Variants in C5orf24 observed in about 807,000 individuals in gnomAD.
C5orf24 encodes UPF0461 protein C5orf24.
A neutral mutation model predicts 9.8 loss-of-function variants in C5orf24; 4 were observed. That is an observed-to-expected ratio of 0.41 (90% CI 0.20 to 0.93). C5orf24 has a LOEUF of 0.93. Among genes scored for constraint, C5orf24 ranks in the 40% least tolerant of loss-of-function variants. The pLI is 0.33. For missense variants in C5orf24, 170 were observed against 236.9 expected (o/e 0.72, Z 1.85); for synonymous variants, 73 against 81.3 (o/e 0.90, Z 0.55).
chr5:134,853,455 T>TTA (rs1756218195), intron 1 of C5orf24, among the ~76,000 whole-genome samples: 1 of 150,936 alleles, frequency 6.6e-6, no homozygotes, highest in African/African-American at 2.4e-5. Context: ...AATAAGTCCT[T>TTA]TATATAAAAA....
At chr5:134,853,528 C>CTTTTTTTTTT (rs773207000) in intron 1 of C5orf24, among the ~76,000 whole-genome samples, 77 of 104,226 alleles carry the variant, frequency 7.4e-4, no homozygotes, top group Non-Finnish European at 7.9e-4. Context: ...TCTTCTTCTT[C>CTTTTTTTTTT]TTTTTTTTTT....
intron 1 of C5orf24, among the ~76,000 whole-genome samples, chr5:134,852,058 A>G (rs1186591912): frequency 6.6e-6 from 1 of 152,238 alleles, no homozygotes; most frequent in Non-Finnish European, 1.5e-5. Context: ...CTCCTGCCTC[A>G]GCCTCCTGAG....
intron 1 of C5orf24, among the ~76,000 whole-genome samples, chr5:134,847,665 C>T (rs566434823): frequency 6.6e-6 from 1 of 151,228 alleles, no homozygotes; most frequent in South Asian, 2.1e-4. Context: ...CTCTTGGCTT[C>T]TATTCAGTCC....
chr5:134,854,882 CTT>C lies in C5orf24; in HGVS notation c.-3-13_-3-12del. 1 of 1,611,826 alleles carries C rather than the reference CTT, an allele frequency of 6.2e-7. No homozygotes were observed. The highest frequency in any genetic ancestry group is 8.5e-7 in the Non-Finnish European group (1 of 1,179,604). On this transcript the variant is annotated splice_polypyrimidine_tract_variant and intron_variant, in intron 1 of 1. Transcript: ENST00000394976. The stretch of plus-strand genomic sequence containing the variant: ...TGTGTGTGTATTTATATATATTTGT[CTT>C]TTATTTTTGGTAGAAAATGATGCAT...
At chr5:134,838,847 T>C in the C5orf24 span, among the ~76,000 whole-genome samples, 1 of 152,152 alleles carries the variant, frequency 6.6e-6, no homozygotes, top group East Asian at 1.9e-4. Flanking sequence ...TAAATACCTA[T>C]GCCCTTGAAA....
rs75692562 is a variant in C5orf24 at position 134,855,452 on chromosome 5, A to G, written c.552A>G (p.Lys184=). The stretch of plus-strand genomic sequence containing the variant: ...TAGAGGAAACTAGCAGTGAAGTCAA[A>G]CCACCCAATGAGTGAATGAGGCAGG... ...HGVEETSSEV[K]PPNE Residue 184 remains lysine (K), a synonymous_variant, in exon 2 of 2, where the codon AAA becomes AAG. Coordinates refer to ENST00000394976, the MANE Select transcript of C5orf24 (RefSeq NM_001135586.1). 1.6e-3 allele frequency: 2,622 copies of G among 1,614,158 alleles called. 38 individuals carry two copies. The African/African-American group carries it at 0.029, about 18-fold the overall frequency.
In C5orf24 at chr5:134,856,177, T is replaced by C; in HGVS notation, c.*710T>C. 1 of 996,800 alleles carries C rather than the reference T, an allele frequency of 1.0e-6. No homozygotes were observed. 61.7% of individuals were successfully genotyped at this position (996,800 alleles called of 1,614,324 possible). A position where few individuals can be genotyped will look rare whatever the true frequency, so the allele number is the denominator to read the frequency against. On this transcript the variant is annotated 3_prime_UTR_variant, in exon 2 of 2. Transcript: ENST00000394976. ...TACCAAACACTACAAACAATTCATA[T>C]TTACAGAAAATTTAAACTATTTTAT...
At chr5:134,835,645 A>T in the C5orf24 span, among the ~76,000 whole-genome samples, 1 of 152,178 alleles carries the variant, frequency 6.6e-6, no homozygotes, top group Non-Finnish European at 1.5e-5. Flanking sequence ...ACTCCATCTC[A>T]AAAAGAAAAG....
Position 134,858,346 on chromosome 5 carries a change from A to G in C5orf24, c.*2879A>G, listed in dbSNP as rs947260470. ...TGAATGAAGTCTTAAAATTTAAAGT[A>G]TTTTTACTGCTATATAAACTAAAGA... On this transcript the variant is annotated 3_prime_UTR_variant, in exon 2 of 2. Coordinates refer to ENST00000394976, the MANE Select transcript of C5orf24 (RefSeq NM_001135586.1). 2 of 167,020 alleles carry G rather than the reference A, an allele frequency of 1.2e-5. No individual in the cohort carries two copies. Among genetic ancestry groups the G allele is most frequent in the African/African-American group, 4.8e-5 (2 of 41,444 alleles). The allele number at this position is 167,020 out of a possible 1,614,324, so 10.3% of individuals were successfully genotyped here. A position where few individuals can be genotyped will look rare whatever the true frequency, so the allele number is the denominator to read the frequency against.
chr5:134,855,859 T>A lies in C5orf24; in HGVS notation c.*392T>A, dbSNP rs1233250934. 2 of 1,021,692 alleles carry A rather than the reference T, an allele frequency of 2.0e-6. No individual in the cohort carries two copies. Among genetic ancestry groups the A allele is most frequent in the Non-Finnish European group, 2.4e-6 (2 of 845,234 alleles). The allele number at this position is 1,021,692 out of a possible 1,614,324, so 63.3% of individuals were successfully genotyped here. A position where few individuals can be genotyped will look rare whatever the true frequency, so the allele number is the denominator to read the frequency against. The stretch of plus-strand genomic sequence containing the variant: ...TATAATAAAGACACTAACGTATTTT[T>A]AACTGATGGAGCAAAAAAGCAAACT... On this transcript the variant is annotated 3_prime_UTR_variant, in exon 2 of 2. Coordinates refer to ENST00000394976, the MANE Select transcript of C5orf24 (RefSeq NM_001135586.1).
chr5:134,845,013 G>A (rs1328785263), upstream of C5orf24, among the ~76,000 whole-genome samples: 1 of 152,220 alleles, frequency 6.6e-6, no homozygotes, highest in Non-Finnish European at 1.5e-5. Flanking sequence ...TGGGATTACA[G>A]GCGTGAGCCA....
At chr5:134,854,418 T>C (rs1391554003) in intron 1 of C5orf24, among the ~76,000 whole-genome samples, 1 of 152,236 alleles carries the variant, frequency 6.6e-6, no homozygotes, top group Non-Finnish European at 1.5e-5. Context: ...AGTGTCCATC[T>C]TGTGGAAACT....
chr5:134,852,975 C>T (rs1294265782), intron 1 of C5orf24, among the ~76,000 whole-genome samples: 2 of 152,128 alleles, frequency 1.3e-5, no homozygotes, highest in Non-Finnish European at 2.9e-5. Context: ...ACCATCCTGG[C>T]TAACACGGTG....
rs1179878956 is a variant in C5orf24, at chr5:134,859,445, A to G, written c.*3978A>G. The G allele has an allele frequency of 6.0e-6, 1 of 166,978 alleles. No individual in the cohort carries two copies. The highest frequency in any genetic ancestry group is 1.5e-5 in the Non-Finnish European group (1 of 68,118). The allele number at this position is 166,978 out of a possible 1,614,324, so 10.3% of individuals were successfully genotyped here. On this transcript the variant is annotated 3_prime_UTR_variant, in exon 2 of 2. Coordinates refer to ENST00000394976, the MANE Select transcript of C5orf24 (RefSeq NM_001135586.1). Reference sequence around the variant, plus strand: ...ATTTTTGGAAAATTTAATGCTATATAGTAAATCAAGTGTGTGATTTAAAGT... The same window carrying G: ...ATTTTTGGAAAATTTAATGCTATATGGTAAATCAAGTGTGTGATTTAAAGT...
At chr5:134,839,878 T>C in the C5orf24 span, among the ~76,000 whole-genome samples, 1,298 of 152,094 alleles carry the variant, frequency 8.5e-3, 13 homozygotes, top group African/African-American at 0.029. Context: ...GTATTTTTAG[T>C]AGAGACAGGG....
At chr5:134,841,004 A>G (rs1755883764), upstream of C5orf24, among the ~76,000 whole-genome samples, 1 of 152,148 alleles carries the variant, frequency 6.6e-6, no homozygotes, top group African/African-American at 2.4e-5. Context: ...ATCTTGCATG[A>G]CCCACGGCCC....
At chr5:134,845,177 TCTC>T (rs1432953067), upstream of C5orf24, among the ~76,000 whole-genome samples, 2 of 152,172 alleles carry the variant, frequency 1.3e-5, no homozygotes, top group Admixed American at 6.5e-5. Context: ...AAAAGTTGTT[TCTC>T]CTCCTTTCTT....
chr5:134,843,375 G>T (rs958498385), upstream of C5orf24, among the ~76,000 whole-genome samples: 1 of 152,148 alleles, frequency 6.6e-6, no homozygotes, highest in Non-Finnish European at 1.5e-5. Flanking sequence ...TATGGAAAAT[G>T]GTAAATATTT....
At chr5:134,843,204 T>G (rs924881456), upstream of C5orf24, among the ~76,000 whole-genome samples, 3 of 152,134 alleles carry the variant, frequency 2.0e-5, no homozygotes, top group Non-Finnish European at 4.4e-5. Context: ...CTGGAACTTC[T>G]GGCCTCAAGT....
Sources: allele counts gnomAD v4.1 joint callset (sites outside exome capture counted in the v4.1 genomes callset), GRCh38; gene constraint gnomAD v4.1.1; transcripts MANE v1.5; gene names NCBI Gene and HGNC (gene_info 2026-07-23, HGNC 2026-07-21).